Variants in UPF3A observed in about 807,000 individuals in gnomAD.
UPF3A encodes the protein regulator of nonsense transcripts 3A.
In UPF3A, 42 loss-of-function variants were observed where a neutral mutation model predicts 53.5. The ratio of observed to expected loss-of-function variants is 0.78; its 90% CI spans 0.61 to 1.01. UPF3A has a LOEUF of 1.01. Among genes scored for constraint, UPF3A ranks in the 50% least tolerant of loss-of-function variants. The pLI, the probability that UPF3A is intolerant of heterozygous loss-of-function variation, is 0.00. For missense variants in UPF3A, 575 were observed against 598.0 expected, an observed-to-expected ratio of 0.96 and a Z score of 0.40; for synonymous variants, 237 against 225.3, an observed-to-expected ratio of 1.05 and a Z score of -0.47.
chr13:114,288,445 G>C (rs955671258), intron 5 of UPF3A, among the ~76,000 whole-genome samples: 3 of 152,212 alleles, frequency 2.0e-5, no homozygotes, highest in African/African-American at 7.2e-5. Flanking sequence ...GTGGAGGAAG[G>C]AAGCGCCAGG....
intron 7 of UPF3A, among the ~76,000 whole-genome samples, chr13:114,298,446 A>G (rs1455626968): frequency 6.6e-6 from 1 of 151,834 alleles, no homozygotes; most frequent in Non-Finnish European, 1.5e-5. Flanking sequence ...AGGTGGAGGC[A>G]GGAGAATCAC....
chr13:114,303,060 A>G (rs1177688927), intron 9 of UPF3A, among the ~76,000 whole-genome samples: 2 of 152,174 alleles, frequency 1.3e-5, no homozygotes, highest in Non-Finnish European at 2.9e-5. Context: ...AGATGATGCC[A>G]TTGCACTCCA....
At chr13:114,299,260 T>C (rs1341547811) in intron 8 of UPF3A, among the ~76,000 whole-genome samples, 3 of 152,202 alleles carry the variant, frequency 2.0e-5, no homozygotes, top group Non-Finnish European at 4.4e-5. Flanking sequence ...CTCCTTTTAC[T>C]CCTGAGCCGC....
chr13:114,281,928 G>GAGGGAGGGGCGGGGGC, intron 1 of UPF3A, 82 bp downstream of exon 1: 1 of 1,094,082 alleles, frequency 9.1e-7, no homozygotes, highest in Non-Finnish European at 1.3e-6. Flanking sequence ...GGAGGGAGGG[G>GAGGGAGGGGCGGGGGC]CGGGGGCCGG....
rs2084687090 is a variant in UPF3A at position 114,286,336 on chromosome 13, A to G, written c.456A>G (p.Pro152=). ...LEYPAVVEFA[P]FQKIAKKKLR... Reference sequence around the variant, plus strand: ...ATCCTGCAGTGGTAGAGTTTGCTCCATTCCAGAAGATAGCCAAAAAGAAGC... The same window carrying G: ...ATCCTGCAGTGGTAGAGTTTGCTCCGTTCCAGAAGATAGCCAAAAAGAAGC... The change falls in exon 4 of 10, where the codon CCA becomes CCG. Residue 152 remains proline (P), a synonymous_variant. Coordinates refer to ENST00000375299, the MANE Select transcript of UPF3A (RefSeq NM_023011.4). 1.9e-6 allele frequency: 3 copies of G among 1,614,230 alleles called. No homozygotes were observed. The highest frequency in any genetic ancestry group is 2.5e-6 in the Non-Finnish European group (3 of 1,180,034).
chr13:114,294,529 A>G (rs77537228), intron 7 of UPF3A, among the ~76,000 whole-genome samples: 1 of 152,322 alleles, frequency 6.6e-6, no homozygotes, highest in Non-Finnish European at 1.5e-5. Context: ...GGTTAGAGGC[A>G]TGAGCCACCG....
chr13:114,286,438 A>C lies in UPF3A; in HGVS notation c.520+38A>C, dbSNP rs202055731. 218 of 1,612,924 alleles carry C rather than the reference A, an allele frequency of 1.4e-4. No homozygotes were observed. In the East Asian group the frequency reaches 4.1e-3, roughly 31 times the overall value. ...CAAGTGCTACGTTATGAAGCTGCCA[A>C]ATTAAGAACACTGAGCAAATGTAAT... On this transcript the variant is annotated intron_variant, in intron 4 of 9. Transcript: ENST00000375299.
In UPF3A at chr13:114,304,774, C is replaced by T; in HGVS notation, c.1303-15C>T. 1 of 1,612,964 alleles carries T rather than the reference C, an allele frequency of 6.2e-7. No homozygotes were observed. The highest frequency in any genetic ancestry group is 1.7e-5 in the Admixed American group (1 of 59,988). ...CTACCTCTTGGAAGAGTAACATGCC[C>T]TCTTATCCTGGCAGGACCGGCCAGC... is the stretch of plus-strand genomic sequence containing the variant. On this transcript the variant is annotated splice_polypyrimidine_tract_variant and intron_variant, in intron 9 of 9. Coordinates refer to ENST00000375299, the MANE Select transcript of UPF3A (RefSeq NM_023011.4).
At position 114,284,047 on chromosome 13, in the gene UPF3A, C is replaced by A. The variant is rs915624193; in HGVS notation, c.421+1104C>A. 7.1e-6 allele frequency: 7 copies of A among 985,304 alleles called. No homozygotes were observed. In the Admixed American group the frequency reaches 3.7e-4, roughly 52 times the overall value. The allele number at this position is 985,304 out of a possible 1,614,324, so 61.0% of individuals were successfully genotyped here. A position where few individuals can be genotyped will look rare whatever the true frequency, so the allele number is the denominator to read the frequency against. On this transcript the variant is annotated intron_variant, in intron 3 of 9. Coordinates refer to ENST00000375299, the MANE Select transcript of UPF3A (RefSeq NM_023011.4). ...CATTGCTCATTTATTCAGTAACTTA[C>A]TGAGTTTCCCTTTTTCACTTAAAAA...
At chr13:114,295,584 C>T (rs898236011) in intron 7 of UPF3A, among the ~76,000 whole-genome samples, 4 of 152,222 alleles carry the variant, frequency 2.6e-5, no homozygotes, top group African/African-American at 9.6e-5. Context: ...CCTCCTGGGC[C>T]CTCCTCTTCC....
intron 3 of UPF3A, 25 bp downstream of exon 3, chr13:114,282,968 C>A (rs756904229): frequency 1.8e-5 from 27 of 1,472,282 alleles, no homozygotes; most frequent in Non-Finnish European, 2.5e-5. Flanking sequence ...TTTTAAAAAT[C>A]TATTATAATC....
At chr13:114,282,236 G>A in intron 2 of UPF3A, 109 bp downstream of exon 2, 1 of 950,452 alleles carries the variant, frequency 1.1e-6, no homozygotes, top group Non-Finnish European at 1.5e-6. Flanking sequence ...TATGGGAGTC[G>A]TGTGAGCTTT....
At chr13:114,292,899 C>T (rs1043685090) in intron 7 of UPF3A, among the ~76,000 whole-genome samples, 1 of 151,688 alleles carries the variant, frequency 6.6e-6, no homozygotes, top group Non-Finnish European at 1.5e-5. Context: ...ATGGTGAAAC[C>T]CTGTCTCTAC....
chr13:114,282,519 C>T (rs1366114425), intron 2 of UPF3A: 1 of 985,316 alleles, frequency 1.0e-6, no homozygotes, highest in East Asian at 1.1e-4. Context: ...TTTTAAATAC[C>T]GGAGAAGGTC....
intron 8 of UPF3A, among the ~76,000 whole-genome samples, chr13:114,301,448 G>A (rs2086596034): frequency 6.7e-6 from 1 of 149,634 alleles, no homozygotes; most frequent in Non-Finnish European, 1.5e-5. Context: ...GGGCAACAGA[G>A]CGAGACTCCA....
At position 114,302,042 on chromosome 13, in the gene UPF3A, A is replaced by G. The variant is rs2086654319; in HGVS notation, c.1302+17A>G. The G allele has an allele frequency of 6.6e-7, 1 of 1,506,896 alleles. No homozygotes were observed. The highest frequency in any genetic ancestry group is 8.9e-7 in the Non-Finnish European group (1 of 1,128,048). 93.3% of individuals were successfully genotyped at this position (1,506,896 alleles called of 1,614,324 possible). ...GCAAACAAGGTTTTTATTAAACCCA[A>G]AAAGAAAAATGTGTCTGGCTGTCTT... On this transcript the variant is annotated intron_variant, in intron 9 of 9. Coordinates refer to ENST00000375299, the MANE Select transcript of UPF3A (RefSeq NM_023011.4).
intron 7 of UPF3A, among the ~76,000 whole-genome samples, chr13:114,296,904 A>G (rs896077517): frequency 5.3e-5 from 8 of 152,224 alleles, no homozygotes; most frequent in Non-Finnish European, 5.9e-5. Flanking sequence ...TGCACTTCCT[A>G]TGGTTCACAT....
chr13:114,282,565 C>A (rs1422991578), intron 2 of UPF3A: 3 of 985,352 alleles, frequency 3.0e-6, no homozygotes, highest in Non-Finnish European at 3.6e-6. Flanking sequence ...CCACGGGTTC[C>A]TCTGGGAGTG....
intron 1 of UPF3A, 30 bp downstream of exon 1, chr13:114,281,876 C>A: frequency 7.1e-7 from 1 of 1,415,140 alleles, no homozygotes; most frequent in Non-Finnish European, 9.4e-7. Context: ...GCGCAAACCT[C>A]GCGAGGAGAG....
Sources: allele counts gnomAD v4.1 joint callset (sites outside exome capture counted in the v4.1 genomes callset), GRCh38; gene constraint gnomAD v4.1.1; transcripts MANE v1.5; gene names NCBI Gene and HGNC (gene_info 2026-07-23, HGNC 2026-07-21).